The following GNG7 variants were observed in gnomAD, a reference collection of about 807,000 sequenced individuals.
GNG7 encodes the protein guanine nucleotide-binding protein G(I)/G(S)/G(O) subunit gamma-7.
In GNG7, 1 loss-of-function variant was observed where a neutral mutation model predicts 4.0. That is an observed-to-expected ratio of 0.25 (90% CI 0.09 to 1.18). The LOEUF (loss-of-function observed/expected upper bound fraction) is 1.18. GNG7 is among the 50% of genes most tolerant of loss of function. GNG7 has a pLI of 0.50. For synonymous variants in GNG7, 34 were observed against 36.9 expected, an observed-to-expected ratio of 0.92 and a Z score of 0.29; for missense variants, 86 against 91.9, an observed-to-expected ratio of 0.94 and a Z score of 0.26.
At chr19:2,520,497 A>C in intron 4 of GNG7, 111 bp downstream of exon 4, 1 of 642,726 alleles carries the variant, frequency 1.6e-6, no homozygotes, top group Non-Finnish European at 2.8e-6. Flanking sequence ...TCACACAGCA[A>C]GAGACACAGT....
chr19:2,598,560 GGC>G (rs1981099677), intron 2 of GNG7, among the ~76,000 whole-genome samples: 1 of 151,880 alleles, frequency 6.6e-6, no homozygotes, highest in African/African-American at 2.4e-5. Flanking sequence ...GGGAGGCTGA[GGC>G]AGGAGAATGG....
chr19:2,535,060 AAC>A (rs1978693873), intron 3 of GNG7, among the ~76,000 whole-genome samples: 1 of 152,194 alleles, frequency 6.6e-6, no homozygotes, highest in African/African-American at 2.4e-5. Flanking sequence ...ACATAAAATT[AAC>A]AGTTACAACA....
chr19:2,536,321 G>A (rs1978735226), intron 3 of GNG7, among the ~76,000 whole-genome samples: 1 of 152,024 alleles, frequency 6.6e-6, no homozygotes, highest in Non-Finnish European at 1.5e-5. Context: ...AGGAGGCTGA[G>A]GCAGGAGAAT....
intron 2 of GNG7, among the ~76,000 whole-genome samples, chr19:2,603,256 G>A (rs535762674): frequency 2.2e-4 from 33 of 152,158 alleles, no homozygotes; most frequent in South Asian, 6.2e-4. Context: ...TAGTAGAGAC[G>A]GGGTTTCACC....
intron 2 of GNG7, among the ~76,000 whole-genome samples, chr19:2,596,933 A>G (rs1463422073): frequency 6.6e-6 from 1 of 151,916 alleles, no homozygotes; most frequent in Non-Finnish European, 1.5e-5. Flanking sequence ...CAGAACATAA[A>G]CAGATACACA....
chr19:2,547,986 T>C (rs1979182981), intron 3 of GNG7, among the ~76,000 whole-genome samples: 1 of 152,178 alleles, frequency 6.6e-6, no homozygotes, highest in Non-Finnish European at 1.5e-5. Flanking sequence ...CCTGGGGTTC[T>C]CTGCTGTGGC....
chr19:2,657,016 T>C (rs1340651567), intron 1 of GNG7, among the ~76,000 whole-genome samples: 1 of 151,946 alleles, frequency 6.6e-6, no homozygotes, highest in Non-Finnish European at 1.5e-5. Context: ...GTCAGATCAA[T>C]TTTCAATGAT....
chr19:2,599,332 C>T (rs1269009492), intron 2 of GNG7, among the ~76,000 whole-genome samples: 1 of 152,070 alleles, frequency 6.6e-6, no homozygotes, highest in East Asian at 1.9e-4. Context: ...ACTAGGAGGG[C>T]CCACCCCTTC....
intron 3 of GNG7, among the ~76,000 whole-genome samples, chr19:2,527,330 C>T (rs546167517): frequency 6.6e-6 from 1 of 152,154 alleles, no homozygotes; most frequent in South Asian, 2.1e-4. Flanking sequence ...CCACTCCCAC[C>T]GGCCCTCATC....
chr19:2,545,516 T>C (rs1487647028), intron 3 of GNG7, among the ~76,000 whole-genome samples: 1 of 151,084 alleles, frequency 6.6e-6, no homozygotes, highest in Non-Finnish European at 1.5e-5. Flanking sequence ...CTGGGCATGG[T>C]AGCGCATGCC....
At chr19:2,688,407 G>A (rs140748533) in intron 1 of GNG7, among the ~76,000 whole-genome samples, 1 of 152,200 alleles carries the variant, frequency 6.6e-6, no homozygotes, top group Non-Finnish European at 1.5e-5. Flanking sequence ...ACCTGGGCTG[G>A]GAGAACCAGG....
At position 2,633,511 on chromosome 19, in the gene GNG7, A is replaced by G. The variant is rs917954498; in HGVS notation, c.-78+12713T>C. ...CGCACACACACACACACACACACAC[A>G]CACACACACACACGAGAGGTGGCTG... On this transcript the variant is annotated intron_variant, in intron 2 of 4. Coordinates refer to ENST00000382159, the MANE Select transcript of GNG7 (RefSeq NM_052847.3). This position sits in a 1 kb window ranked among gnomAD's most constrained non-coding sequence, Gnocchi z 5.9. 2.7e-5 allele frequency among the ~76,000 whole-genome samples: 4 copies of G among 149,092 alleles called. No individual in the cohort carries two copies. Among genetic ancestry groups the G allele is most frequent in the Non-Finnish European group, 5.9e-5 (4 of 67,394 alleles).
chr19:2,596,395 C>T (rs946023825), intron 2 of GNG7, among the ~76,000 whole-genome samples: 8 of 151,672 alleles, frequency 5.3e-5, no homozygotes, highest in Non-Finnish European at 8.8e-5. Flanking sequence ...AGGCCCAGCG[C>T]GGGGCTCACA....
At chr19:2,698,290 G>A (rs1169556831) in intron 1 of GNG7, among the ~76,000 whole-genome samples, 1 of 151,234 alleles carries the variant, frequency 6.6e-6, no homozygotes, top group South Asian at 2.1e-4. Context: ...CAGGCCGGGC[G>A]CGGTGGCTCA....
chr19:2,651,154 C>T (rs554776045), intron 1 of GNG7, among the ~76,000 whole-genome samples: 6 of 152,250 alleles, frequency 3.9e-5, no homozygotes, highest in Admixed American at 2.6e-4. Context: ...ACCTCGTGTA[C>T]GAAGGGCTGC....
At position 2,514,997 on chromosome 19, in the gene GNG7, A is replaced by G. The variant is rs747361167; in HGVS notation, c.*25T>C. 5 of 1,588,454 alleles carry G rather than the reference A, an allele frequency of 3.1e-6. No individual in the cohort carries two copies. The East Asian group carries it at 1.1e-4, about 35-fold the overall frequency. ...GAGAGAGAGAGAGAAAGAGAGAGAG[A>G]GAGAGAGAACATATGAGAACACAGT... On this transcript the variant is annotated 3_prime_UTR_variant, in exon 5 of 5. Coordinates refer to ENST00000382159, the MANE Select transcript of GNG7 (RefSeq NM_052847.3).
chr19:2,596,999 C>G (rs930405939), intron 2 of GNG7, among the ~76,000 whole-genome samples: 1 of 152,056 alleles, frequency 6.6e-6, no homozygotes, highest in Non-Finnish European at 1.5e-5. Flanking sequence ...TGGCTCACAC[C>G]TGCAATCCCA....
rs1307709210 is a variant in GNG7, at chr19:2,520,707, G to C, written c.-19C>G. ...CTGACATTGTCTGCCATCAGCTCTG[G>C]GCCCCGTTGTTCAGAGAGCTGTGGG... On this transcript the variant is annotated 5_prime_UTR_variant, in exon 4 of 5. Transcript: ENST00000382159. 1.4e-6 allele frequency: 2 copies of C among 1,471,710 alleles called. No homozygotes were observed. The highest frequency in any genetic ancestry group is 2.0e-5 in the Admixed American group (1 of 50,880). The allele number at this position is 1,471,710 out of a possible 1,614,324, so 91.2% of individuals were successfully genotyped here.
In GNG7 at chr19:2,669,964, C is replaced by G. The variant is rs180976639; in HGVS notation, c.-134-23684G>C. Among the ~76,000 whole-genome samples the G allele has an allele frequency of 3.9e-3, 578 of 149,848 alleles. 3 individuals are homozygous for G. Among genetic ancestry groups the G allele is most frequent in the African/African-American group, 0.013 (545 of 40,526 alleles). ...GGTAGAGGTTGCAGTGAGCTGAGAT[C>G]GCGCCAATGCACTCCAGACTGGGTG... is the stretch of plus-strand genomic sequence containing the variant. On this transcript the variant is annotated intron_variant, in intron 1 of 4. Transcript: ENST00000382159.
Sources: gnomAD v4.1 joint callset for allele counts (sites outside exome capture counted in the v4.1 genomes callset) on GRCh38, gnomAD v4.1.1 for gene constraint, Gnocchi (gnomAD v3.1) non-coding constraint, MANE v1.5 for transcripts, NCBI Gene and HGNC (gene_info 2026-07-23, HGNC 2026-07-21) for gene names.